Variants in FRMD4A observed in about 807,000 individuals in gnomAD.
FRMD4A encodes FERM domain containing 4A, also known as FERM domain-containing protein 4A.
A neutral mutation model predicts 129.1 loss-of-function variants in FRMD4A; 29 were observed. That is an observed-to-expected ratio of 0.22 (90% CI 0.17 to 0.31). The LOEUF (loss-of-function observed/expected upper bound fraction) is 0.31. FRMD4A is among the 10% of genes least tolerant of loss of function. FRMD4A has a pLI of 1.00. For synonymous variants in FRMD4A, 634 were observed against 571.6 expected, an observed-to-expected ratio of 1.11 and a Z score of -1.56; for missense variants, 1,272 against 1,375.8, an observed-to-expected ratio of 0.92 and a Z score of 1.19.
chr10:13,719,233 CAAG>C (rs2089175071), intron 12 of FRMD4A, among the ~76,000 whole-genome samples: 1 of 152,078 alleles, frequency 6.6e-6, no homozygotes, highest in South Asian at 2.1e-4. Context: ...AGAGTCAGCT[CAAG>C]GAGGGACAAT....
chr10:14,125,111 A>C lies in FRMD4A; in HGVS notation c.45+204947T>G, dbSNP rs546422089. 1.3e-4 allele frequency among the ~76,000 whole-genome samples: 20 copies of C among 152,302 alleles called. No individual in the cohort carries two copies. In the South Asian group the frequency reaches 3.5e-3, roughly 27 times the overall value. ...CTCAGCTATCACCGGAATGCAGCAG[A>C]AGTAATCAAGTCCAGGACTAAGGGA... On this transcript the variant is annotated intron_variant, in intron 2 of 24. Coordinates refer to ENST00000357447, the MANE Select transcript of FRMD4A (RefSeq NM_018027.5).
intron 2 of FRMD4A, among the ~76,000 whole-genome samples, chr10:13,988,305 T>C (rs980777924): frequency 6.6e-6 from 1 of 152,222 alleles, no homozygotes; most frequent in Admixed American, 6.5e-5. Flanking sequence ...ATTCTCATAG[T>C]GGACTCTTCG....
chr10:13,815,320 T>C (rs923662061), intron 3 of FRMD4A, among the ~76,000 whole-genome samples: 1 of 152,180 alleles, frequency 6.6e-6, no homozygotes, highest in South Asian at 2.1e-4. Context: ...ACAAATATTG[T>C]ATGATTGCAC....
chr10:14,218,074 C>T (rs1001098638), intron 2 of FRMD4A, among the ~76,000 whole-genome samples: 5 of 152,218 alleles, frequency 3.3e-5, no homozygotes, highest in African/African-American at 1.2e-4. Flanking sequence ...AACTGATCCA[C>T]CCGCCTGGGC....
chr10:13,769,065 A>G (rs1288475028), intron 6 of FRMD4A, among the ~76,000 whole-genome samples: 2 of 141,296 alleles, frequency 1.4e-5, no homozygotes, highest in African/African-American at 5.4e-5. Flanking sequence ...ATTTCGGCTC[A>G]CTGCAAGCTC....
chr10:13,967,421 T>G (rs1323808483), intron 2 of FRMD4A, among the ~76,000 whole-genome samples: 1 of 151,870 alleles, frequency 6.6e-6, no homozygotes, highest in Non-Finnish European at 1.5e-5. Flanking sequence ...AGACTACAAA[T>G]TGGGTGCAGT....
At chr10:13,873,018 A>T (rs1184577079) in intron 2 of FRMD4A, among the ~76,000 whole-genome samples, 3 of 152,018 alleles carry the variant, frequency 2.0e-5, no homozygotes, top group East Asian at 1.9e-4. Flanking sequence ...TCTACTACAA[A>T]TACAAAAATT....
intron 2 of FRMD4A, among the ~76,000 whole-genome samples, chr10:13,984,670 T>A (rs2095574638): frequency 6.6e-6 from 1 of 152,232 alleles, no homozygotes; most frequent in Non-Finnish European, 1.5e-5. Context: ...CAGCATAAGG[T>A]GCTCAGGGTT....
chr10:14,139,796 C>T (rs1218653033), intron 2 of FRMD4A, among the ~76,000 whole-genome samples: 1 of 152,224 alleles, frequency 6.6e-6, no homozygotes, highest in African/African-American at 2.4e-5. Flanking sequence ...GCTTCCGGGA[C>T]AGCAGATTTG....
At chr10:13,806,911 G>T (rs2093365827) in intron 4 of FRMD4A, among the ~76,000 whole-genome samples, 1 of 152,224 alleles carries the variant, frequency 6.6e-6, no homozygotes, top group Non-Finnish European at 1.5e-5. Flanking sequence ...GGGTTCAGGT[G>T]ATTCTCCTGC....
intron 2 of FRMD4A, among the ~76,000 whole-genome samples, chr10:14,306,479 C>T (rs1055224001): frequency 1.3e-5 from 2 of 152,194 alleles, no homozygotes; most frequent in African/African-American, 4.8e-5. Flanking sequence ...TGAGATGACA[C>T]AGAATCTTTT....
intron 2 of FRMD4A, among the ~76,000 whole-genome samples, chr10:13,948,942 G>A (rs112320818): frequency 0.024 from 3,566 of 151,344 alleles, 73 homozygotes; most frequent in South Asian, 0.045. Flanking sequence ...GAGCCACTGC[G>A]CCCAGCCGAG....
At chr10:14,326,649 T>C in intron 2 of FRMD4A, 2 of 394,768 alleles carry the variant, frequency 5.1e-6, no homozygotes, top group Non-Finnish European at 8.9e-6. Flanking sequence ...AATGGCATCA[T>C]AACACCCTTG....
intron 2 of FRMD4A, among the ~76,000 whole-genome samples, chr10:13,869,953 G>A (rs1206876493): frequency 6.6e-6 from 1 of 152,230 alleles, no homozygotes; most frequent in Non-Finnish European, 1.5e-5. Context: ...AGCAACCGGA[G>A]TCTCTGAAGA....
intron 2 of FRMD4A, among the ~76,000 whole-genome samples, chr10:14,123,412 G>T (rs118051760): frequency 6.6e-6 from 1 of 152,134 alleles, no homozygotes; most frequent in Non-Finnish European, 1.5e-5. Flanking sequence ...CATTTCTCTT[G>T]CCAGCTGGGC....
Position 13,666,104 on chromosome 10 carries a change from G to C in FRMD4A, c.1596C>G (p.Ile532Met). 6.2e-7 allele frequency: 1 copy of C among 1,600,736 alleles called. No individual in the cohort carries two copies. Among genetic ancestry groups the C allele is most frequent in the South Asian group, 1.1e-5 (1 of 90,806 alleles). The change falls in exon 18 of 25, where the codon ATC becomes ATG. Residue 532 changes from isoleucine (I) to methionine (M), a missense_variant. Coordinates refer to ENST00000357447, the MANE Select transcript of FRMD4A (RefSeq NM_018027.5). ...GKKPTQRASL[I>M]IDDGNIASED... ...AGCCCGGTTGGCACTGACCGTCTAT[G>C]ATCAGCGAAGCCCTCTGGGTGGGTT...
chr10:13,760,212 G>A (rs11258585), intron 8 of FRMD4A, among the ~76,000 whole-genome samples: 38,428 of 151,872 alleles, frequency 0.25, 5,570 homozygotes, highest in East Asian at 0.53. Context: ...ATCGTACTGC[G>A]TGCAAAACTC....
rs555184254 is a variant in FRMD4A, at chr10:14,055,973, C to T, written c.46-197061G>A. ...TTTTTGAGACGGAGTCTCGCTCTTTCGCCCAGGCCAGAGTGCAGTGGCGCG... is the reference window on the plus strand; with the variant it reads ...TTTTTGAGACGGAGTCTCGCTCTTTTGCCCAGGCCAGAGTGCAGTGGCGCG... On this transcript the variant is annotated intron_variant, in intron 2 of 24. Transcript: ENST00000357447. 3.3e-5 allele frequency among the ~76,000 whole-genome samples: 5 copies of T among 152,160 alleles called. No individual in the cohort carries two copies. The East Asian group carries it at 5.8e-4, about 18-fold the overall frequency.
At position 14,330,883 on chromosome 10, in the gene FRMD4A, T is replaced by G. The variant is rs906950634; in HGVS notation, c.-368A>C. The G allele has an allele frequency of 1.5e-5, 6 of 398,602 alleles. No individual in the cohort carries two copies. 24.7% of individuals were successfully genotyped at this position (398,602 alleles called of 1,614,324 possible). A position where few individuals can be genotyped will look rare whatever the true frequency, so the allele number is the denominator to read the frequency against. On this transcript the variant is annotated 5_prime_UTR_variant, in exon 1 of 25. Coordinates refer to ENST00000357447, the MANE Select transcript of FRMD4A (RefSeq NM_018027.5). ...ATTGCACTGCCTGTTCTGTGAGCGTTCTGATCTCCCTGGCTGTACCACATG... is the reference window on the plus strand; with the variant it reads ...ATTGCACTGCCTGTTCTGTGAGCGTGCTGATCTCCCTGGCTGTACCACATG...
Sources: allele counts gnomAD v4.1 joint callset (sites outside exome capture counted in the v4.1 genomes callset), GRCh38; gene constraint gnomAD v4.1.1; transcripts MANE v1.5; gene names NCBI Gene and HGNC (gene_info 2026-07-23, HGNC 2026-07-21).